CCSER1: variants seen among roughly 807,000 people sequenced by gnomAD.
The protein encoded by CCSER1 is coiled-coil serine rich protein 1.
Under a neutral mutation model 82.0 loss-of-function variants are expected in CCSER1, and 41 were observed. The observed-to-expected ratio is 0.50, with a 90% CI of 0.39 to 0.65. The LOEUF (loss-of-function observed/expected upper bound fraction) is 0.65, where lower values mean the gene tolerates loss of function less well. Ranked by LOEUF, CCSER1 falls within the 30% of genes least tolerant of loss-of-function variation. The pLI, the probability that CCSER1 is intolerant of heterozygous loss-of-function variation, is 0.00. For synonymous variants in CCSER1, 414 were observed against 383.9 expected, an observed-to-expected ratio of 1.08 and a Z score of -0.92; for missense variants, 1,119 against 1,064.2, an observed-to-expected ratio of 1.05 and a Z score of -0.72.
intron 10 of CCSER1, among the ~76,000 whole-genome samples, chr4:91,531,598 T>C (rs567429280): frequency 6.6e-6 from 1 of 152,330 alleles, no homozygotes; most frequent in South Asian, 2.1e-4. Flanking sequence ...CCTGCTGCTA[T>C]AACACAATGC....
At chr4:91,418,211 A>G (rs1423899774) in intron 10 of CCSER1, among the ~76,000 whole-genome samples, 2 of 151,810 alleles carry the variant, frequency 1.3e-5, no homozygotes, top group African/African-American at 2.4e-5. Context: ...AGTTAGCATC[A>G]GGAAAGAAAT....
intron 6 of CCSER1, among the ~76,000 whole-genome samples, chr4:90,713,578 T>A (rs991816809): frequency 2.0e-5 from 3 of 150,838 alleles, no homozygotes; most frequent in Non-Finnish European, 1.5e-5. Flanking sequence ...CCTTAACCTA[T>A]TTTTTTTTAT....
At chr4:91,182,094 C>G (rs772556465) in intron 10 of CCSER1, among the ~76,000 whole-genome samples, 5 of 152,110 alleles carry the variant, frequency 3.3e-5, no homozygotes, top group Non-Finnish European at 7.4e-5. Context: ...TGATCTGTCC[C>G]CAGATGGGTG....
At chr4:90,491,741 T>C (rs974100942) in intron 5 of CCSER1, among the ~76,000 whole-genome samples, 5 of 152,220 alleles carry the variant, frequency 3.3e-5, no homozygotes, top group Admixed American at 6.5e-5. Context: ...TGTTGAATTT[T>C]GTCAAAGGCC....
chr4:91,496,778 A>AAT (rs1432428319), intron 10 of CCSER1, among the ~76,000 whole-genome samples: 1 of 50,022 alleles, frequency 2.0e-5, no homozygotes, highest in African/African-American at 5.8e-5. Context: ...ATATATATTG[A>AAT]ATATATATTG....
chr4:91,372,543 G>GA (rs201213730), intron 10 of CCSER1, among the ~76,000 whole-genome samples: 2,978 of 148,078 alleles, frequency 0.02, 76 homozygotes, highest in African/African-American at 0.069. Context: ...TTCTTTTTTT[G>GA]AAAAAAAAGC....
chr4:90,856,236 TTTTG>T (rs1221306359), intron 8 of CCSER1, among the ~76,000 whole-genome samples: 2 of 152,166 alleles, frequency 1.3e-5, no homozygotes, highest in Non-Finnish European at 2.9e-5. Flanking sequence ...CCTTGTTCTG[TTTTG>T]TTTAAGCTGA....
chr4:90,902,357 G>C (rs1421743266), intron 8 of CCSER1, among the ~76,000 whole-genome samples: 1 of 152,032 alleles, frequency 6.6e-6, no homozygotes, highest in African/African-American at 2.4e-5. Context: ...AAGATATCAA[G>C]ATACTCTGGC....
At position 90,849,861 on chromosome 4, in the gene CCSER1, T is replaced by C. The variant is rs529027773; in HGVS notation, c.2094+34016T>C. 1.4e-4 allele frequency among the ~76,000 whole-genome samples: 20 copies of C among 147,472 alleles called. No homozygotes were observed. In the South Asian group the frequency reaches 3.8e-3, roughly 28 times the overall value. ...TTCAAGCCCTATGCAGAAATTTGCA[T>C]AAGGAGGTGAATGTTAATCACCAAG... On this transcript the variant is annotated intron_variant, in intron 8 of 10. Coordinates refer to ENST00000509176, the MANE Select transcript of CCSER1 (RefSeq NM_001145065.2).
At chr4:91,147,513 C>T (rs575339038) in intron 10 of CCSER1, among the ~76,000 whole-genome samples, 26 of 152,332 alleles carry the variant, frequency 1.7e-4, no homozygotes, top group Non-Finnish European at 2.5e-4. Context: ...CATGAACCCA[C>T]TCCACATTCT....
chr4:90,528,307 A>T (rs1403855974), intron 5 of CCSER1, among the ~76,000 whole-genome samples: 1 of 152,128 alleles, frequency 6.6e-6, no homozygotes, highest in Admixed American at 6.6e-5. Flanking sequence ...TTTTTGAATT[A>T]TCATTTAACC....
At chr4:91,549,199 T>A (rs1033529539) in intron 10 of CCSER1, among the ~76,000 whole-genome samples, 1 of 152,130 alleles carries the variant, frequency 6.6e-6, no homozygotes, top group African/African-American at 2.4e-5. Flanking sequence ...TGGTCTCTAG[T>A]AGTTCTTTTT....
At chr4:90,149,275 A>T (rs1205883861) in intron 1 of CCSER1, among the ~76,000 whole-genome samples, 1 of 152,038 alleles carries the variant, frequency 6.6e-6, no homozygotes, top group Non-Finnish European at 1.5e-5. Context: ...GAAGGGGCCA[A>T]TCCATGCAGT....
chr4:91,166,318 G>A (rs1277103719), intron 10 of CCSER1, among the ~76,000 whole-genome samples: 1 of 152,002 alleles, frequency 6.6e-6, no homozygotes, highest in East Asian at 1.9e-4. Context: ...AATATTTGTT[G>A]AACACCAACT....
At chr4:90,853,806 A>G (rs768910262) in intron 8 of CCSER1, among the ~76,000 whole-genome samples, 1 of 152,154 alleles carries the variant, frequency 6.6e-6, no homozygotes, top group Admixed American at 6.5e-5. Context: ...TACAACTTTT[A>G]TGGTTGTCCA....
chr4:91,573,688 T>G (rs763614382), intron 10 of CCSER1, among the ~76,000 whole-genome samples: 45 of 152,160 alleles, frequency 3.0e-4, no homozygotes, highest in Non-Finnish European at 5.6e-4. Flanking sequence ...CTTTTCTTTG[T>G]TTTCCATGGA....
intron 9 of CCSER1, among the ~76,000 whole-genome samples, chr4:91,059,443 G>C (rs1263736078): frequency 8.4e-6 from 1 of 119,024 alleles, no homozygotes; most frequent in Non-Finnish European, 1.8e-5. Context: ...TTATTTGTAT[G>C]CTTTATTAAG....
At position 90,400,075 on chromosome 4, in the gene CCSER1, GA is replaced by G. The variant is rs1422328995; in HGVS notation, c.1550del (p.Asp517ValfsTer3). The stretch of plus-strand genomic sequence containing the variant: ...TTTGGGATCTTGTGAACTGGATGAA[GA>G]TGATCTAATGCTTGATCTTGAATTT... ...NNLGSCELDE[D>X]DLMLDLEFLE... is the part of the protein sequence containing the mutation. On this transcript the variant is annotated frameshift_variant, in exon 4 of 11. Coordinates refer to ENST00000509176, the MANE Select transcript of CCSER1 (RefSeq NM_001145065.2). LOFTEE classifies it high-confidence loss of function. The G allele has an allele frequency of 6.2e-7, 1 of 1,608,964 alleles. No homozygotes were observed. The highest frequency in any genetic ancestry group is 1.3e-5 in the African/African-American group (1 of 74,838).
At chr4:90,233,643 A>C (rs893239278) in intron 1 of CCSER1, among the ~76,000 whole-genome samples, 16 of 151,714 alleles carry the variant, frequency 1.1e-4, no homozygotes, top group African/African-American at 3.9e-4. Context: ...TTAAAAAAAA[A>C]AAACAAAACA....
Sources: gnomAD v4.1 joint callset for allele counts (sites outside exome capture counted in the v4.1 genomes callset) on GRCh38, gnomAD v4.1.1 for gene constraint, MANE v1.5 for transcripts, NCBI Gene and HGNC (gene_info 2026-07-23, HGNC 2026-07-21) for gene names.